MSANTD4: variants seen among roughly 807,000 people sequenced by gnomAD.
MSANTD4 encodes myb/SANT-like DNA-binding domain-containing protein 4.
A neutral mutation model predicts 34.3 loss-of-function variants in MSANTD4; 13 were observed. The ratio of observed to expected loss-of-function variants is 0.38; its 90% CI spans 0.25 to 0.60. The LOEUF (loss-of-function observed/expected upper bound fraction) is 0.60. Ranked by LOEUF, MSANTD4 falls within the 20% of genes least tolerant of loss-of-function variation. MSANTD4 has a pLI of 0.63. For missense variants in MSANTD4, 358 were observed against 401.8 expected, an observed-to-expected ratio of 0.89 and a Z score of 0.93; for synonymous variants, 137 against 145.2, an observed-to-expected ratio of 0.94 and a Z score of 0.41.
rs1378755148 is a variant in MSANTD4, at chr11:106,010,744, T to G, written c.174A>C (p.Val58=). ...WEEIAQCVNA[V]GEGEQRTGTE... ...TCCCTGTCCTCTGTTCTCCTTCTCC[T>G]ACAGCATTCACACACTGTGCAATCT... is the stretch of plus-strand genomic sequence containing the variant. The change falls in exon 2 of 3, where the codon GTA becomes GTC. Residue 58 remains valine, a synonymous_variant. Coordinates refer to ENST00000301919, the MANE Select transcript of MSANTD4 (RefSeq NM_032424.3). The G allele has an allele frequency of 1.2e-6, 2 of 1,614,102 alleles. No individual in the cohort carries two copies. The highest frequency in any genetic ancestry group is 1.7e-5 in the Admixed American group (1 of 60,012).
intron 1 of MSANTD4, among the ~76,000 whole-genome samples, chr11:106,017,488 G>A (rs1199795441): frequency 6.6e-6 from 1 of 152,116 alleles, no homozygotes; most frequent in African/African-American, 2.4e-5. Flanking sequence ...ATTATTTAAA[G>A]TCCCATTTTT....
chr11:106,020,589 G>A (rs1338477914), intron 1 of MSANTD4, among the ~76,000 whole-genome samples: 1 of 152,122 alleles, frequency 6.6e-6, no homozygotes, highest in Non-Finnish European at 1.5e-5. Context: ...AAATGTATTG[G>A]TACATGGTAG....
At chr11:106,014,200 T>A (rs1330402451) in intron 1 of MSANTD4, among the ~76,000 whole-genome samples, 1 of 152,244 alleles carries the variant, frequency 6.6e-6, no homozygotes, top group Non-Finnish European at 1.5e-5. Context: ...AGCTAACTTA[T>A]GCAACTAACT....
In MSANTD4 at chr11:106,008,211, C is replaced by A. The variant is rs1484260258; in HGVS notation, c.*1324G>T. ...AGAATCACTTGGATTGTGGAAAAAG[C>A]ACCTTCAGAGAGCTGAAGGAAAATC... On this transcript the variant is annotated 3_prime_UTR_variant, in exon 3 of 3. Transcript: ENST00000301919. 1 of 152,574 alleles carries A rather than the reference C, an allele frequency of 6.6e-6. No homozygotes were observed. The highest frequency in any genetic ancestry group is 1.5e-5 in the Non-Finnish European group (1 of 68,028). 9.5% of individuals were successfully genotyped at this position (152,574 alleles called of 1,614,324 possible).
chr11:106,021,786 G>C lies in MSANTD4; in HGVS notation c.-975C>G, dbSNP rs1472663369. ...CCAAAAAGAGCCCCTGGGAAGAATCGAGTTAGACTGGGCTCCCGGAAGGCC... is the reference window on the plus strand; with the variant it reads ...CCAAAAAGAGCCCCTGGGAAGAATCCAGTTAGACTGGGCTCCCGGAAGGCC... On this transcript the variant is annotated 5_prime_UTR_variant, in exon 1 of 3. Transcript: ENST00000301919. 6.6e-6 allele frequency: 1 copy of C among 152,084 alleles called. No individual in the cohort carries two copies. Among genetic ancestry groups the C allele is most frequent in the African/African-American group, 2.4e-5 (1 of 41,372 alleles). 9.4% of individuals were successfully genotyped at this position (152,084 alleles called of 1,614,324 possible).
intron 1 of MSANTD4, among the ~76,000 whole-genome samples, chr11:106,011,306 T>C (rs1859682886): frequency 6.6e-6 from 1 of 152,210 alleles, no homozygotes; most frequent in Non-Finnish European, 1.5e-5. Flanking sequence ...CCCTTCCTAC[T>C]ACTTCAGCTC....
In MSANTD4 at chr11:106,009,485, G is replaced by A. The variant is rs1271935135; in HGVS notation, c.*50C>T. The A allele has an allele frequency of 9.3e-6, 14 of 1,505,600 alleles. No homozygotes were observed. Among genetic ancestry groups the A allele is most frequent in the East Asian group, 2.3e-5 (1 of 44,156 alleles). 93.3% of individuals were successfully genotyped at this position (1,505,600 alleles called of 1,614,324 possible). On this transcript the variant is annotated 3_prime_UTR_variant, in exon 3 of 3. Transcript: ENST00000301919. ...CAACCATCATTATATCACCTGATAT[G>A]AGAAAAATCTAGAGTTTTCAAACAT... is the stretch of plus-strand genomic sequence containing the variant.
At chr11:106,017,803 A>C (rs1008257408) in intron 1 of MSANTD4, among the ~76,000 whole-genome samples, 14 of 152,238 alleles carry the variant, frequency 9.2e-5, no homozygotes, top group African/African-American at 3.1e-4. Flanking sequence ...CTAAATGACA[A>C]ATGAAGAGCC....
chr11:106,016,495 A>C (rs1039869385), intron 1 of MSANTD4, among the ~76,000 whole-genome samples: 3 of 152,220 alleles, frequency 2.0e-5, no homozygotes, highest in Non-Finnish European at 4.4e-5. Flanking sequence ...CTCTAAAAAC[A>C]GGATCTTCAA....
Position 106,021,137 on chromosome 11 carries a change from T to C in MSANTD4, c.-326A>G, listed in dbSNP as rs1860020173. 1 of 152,230 alleles carries C rather than the reference T, an allele frequency of 6.6e-6. No homozygotes were observed. The allele number at this position is 152,230 out of a possible 1,614,324, so 9.4% of individuals were successfully genotyped here. A position where few individuals can be genotyped will look rare whatever the true frequency, so the allele number is the denominator to read the frequency against. On this transcript the variant is annotated 5_prime_UTR_variant, in exon 1 of 3. Transcript: ENST00000301919. ...GGCACTATTTTTGGTGCTGGGGATATAACACCTCATAAAATGTGAAAATAT... is the reference window on the plus strand; with the variant it reads ...GGCACTATTTTTGGTGCTGGGGATACAACACCTCATAAAATGTGAAAATAT...
At chr11:106,013,202 C>T (rs1005376751) in intron 1 of MSANTD4, among the ~76,000 whole-genome samples, 2 of 152,086 alleles carry the variant, frequency 1.3e-5, no homozygotes, top group Non-Finnish European at 1.5e-5. Context: ...TTACACAGAC[C>T]ATGCTGTCTG....
intron 1 of MSANTD4, among the ~76,000 whole-genome samples, chr11:106,018,115 A>G (rs1859910642): frequency 6.6e-6 from 1 of 152,246 alleles, no homozygotes; most frequent in Non-Finnish European, 1.5e-5. Flanking sequence ...TAGTGATCCC[A>G]GTGAAGTAAA....
chr11:106,011,992 G>A (rs868474960), intron 1 of MSANTD4, among the ~76,000 whole-genome samples: 3 of 151,752 alleles, frequency 2.0e-5, no homozygotes, highest in Non-Finnish European at 4.4e-5. Context: ...CCTAAATTTC[G>A]AATATAATTT....
rs780816590 is a variant in MSANTD4 at position 106,021,806 on chromosome 11, A to C, written c.-995T>G. On this transcript the variant is annotated 5_prime_UTR_variant, in exon 1 of 3. Transcript: ENST00000301919. ...GAATCGAGTTAGACTGGGCTCCCGG[A>C]AGGCCACCCAGGGGAGCAGGGGCGC... The C allele has an allele frequency of 2.0e-5, 3 of 152,132 alleles. No individual in the cohort carries two copies. Among genetic ancestry groups the C allele is most frequent in the Non-Finnish European group, 4.4e-5 (3 of 68,084 alleles). The allele number at this position is 152,132 out of a possible 1,614,324, so 9.4% of individuals were successfully genotyped here. A position where few individuals can be genotyped will look rare whatever the true frequency, so the allele number is the denominator to read the frequency against.
rs1194209458 is a variant in MSANTD4 at position 106,009,991 on chromosome 11, A to C, written c.582T>G (p.Ser194=). 1.2e-6 allele frequency: 2 copies of C among 1,609,612 alleles called. No homozygotes were observed. Among genetic ancestry groups the C allele is most frequent in the South Asian group, 2.2e-5 (2 of 91,056 alleles). ...DEFFTLNSTP[S]RSAYDEPHLL... is the part of the protein sequence containing the mutation. ...AATGAGGCTCATCATATGCAGATCT[A>C]GATGGTGTTGAGTTAAGGGTAAAAA... The change falls in exon 3 of 3, where the codon TCT becomes TCG. Residue 194 remains serine (S), a synonymous_variant. Transcript: ENST00000301919.
rs1859613052 is a variant in MSANTD4, at chr11:106,009,281, A to G, written c.*254T>C. On this transcript the variant is annotated 3_prime_UTR_variant, in exon 3 of 3. Coordinates refer to ENST00000301919, the MANE Select transcript of MSANTD4 (RefSeq NM_032424.3). ...ATGGACATAATTGTAAACTCTGGGT[A>G]CACAGACAATACAAGACTCTATGTA... The G allele has an allele frequency of 2.9e-6, 1 of 342,192 alleles. No homozygotes were observed. The highest frequency in any genetic ancestry group is 2.1e-5 in the African/African-American group (1 of 47,366). The allele number at this position is 342,192 out of a possible 1,614,324, so 21.2% of individuals were successfully genotyped here. A position where few individuals can be genotyped will look rare whatever the true frequency, so the allele number is the denominator to read the frequency against.
intron 1 of MSANTD4, among the ~76,000 whole-genome samples, chr11:106,019,262 C>T (rs1859955842): frequency 1.3e-5 from 2 of 152,148 alleles, no homozygotes; most frequent in Admixed American, 1.3e-4. Flanking sequence ...TAGATCAGTG[C>T]TGTCCAATAG....
chr11:106,011,402 G>T (rs887911910), intron 1 of MSANTD4, among the ~76,000 whole-genome samples: 1 of 152,058 alleles, frequency 6.6e-6, no homozygotes, highest in African/African-American at 2.4e-5. Context: ...TCTTAGTTCA[G>T]GGCCTTTGTC....
intron 2 of MSANTD4, 150 bp from the exon 3 acceptor site, chr11:106,010,260 T>A: frequency 8.8e-7 from 1 of 1,131,328 alleles, no homozygotes; most frequent in Non-Finnish European, 1.2e-6. Flanking sequence ...TTGATGTCTG[T>A]AATACATATA....
Sources: gnomAD v4.1 joint callset for allele counts (sites outside exome capture counted in the v4.1 genomes callset) on GRCh38, gnomAD v4.1.1 for gene constraint, MANE v1.5 for transcripts, NCBI Gene and HGNC (gene_info 2026-07-23, HGNC 2026-07-21) for gene names.